ADAMTSL1: variants seen among roughly 807,000 people sequenced by gnomAD.
The protein encoded by ADAMTSL1 is ADAMTS like 1, also known as ADAMTS-like protein 1.
ADAMTSL1 carries 126 observed loss-of-function variants against 201.8 expected under a neutral mutation model. That is an observed-to-expected ratio of 0.62 (90% CI 0.54 to 0.72). The LOEUF (loss-of-function observed/expected upper bound fraction) is 0.72, where lower values mean the gene tolerates loss of function less well. Among genes scored for constraint, ADAMTSL1 ranks in the 30% least tolerant of loss-of-function variants. ADAMTSL1 has a pLI of 0.00. For missense variants in ADAMTSL1, 2,679 were observed against 2,277.8 expected, an observed-to-expected ratio of 1.18 and a Z score of -3.59; for synonymous variants, 1,121 against 903.4, an observed-to-expected ratio of 1.24 and a Z score of -4.32.
chr9:18,356,527 TA>T (rs1246388028), intron 2 of ADAMTSL1, among the ~76,000 whole-genome samples: 29,958 of 79,422 alleles, frequency 0.38, 5,506 homozygotes, highest in Admixed American at 0.47. Context: ...ACCCTGTCTT[TA>T]AAAAAAAAAA....
intron 2 of ADAMTSL1, among the ~76,000 whole-genome samples, chr9:18,406,881 G>T (rs1283822625): frequency 6.6e-6 from 1 of 152,084 alleles, no homozygotes; most frequent in Non-Finnish European, 1.5e-5. Flanking sequence ...TTCCTCATTT[G>T]TAAAACAGGG....
intron 2 of ADAMTSL1, among the ~76,000 whole-genome samples, chr9:18,301,652 A>G (rs1833715353): frequency 6.6e-6 from 1 of 152,198 alleles, no homozygotes; most frequent in African/African-American, 2.4e-5. Context: ...TTCGGGCTCC[A>G]GCTGACCTCT....
At chr9:18,581,525 A>T (rs562350139) in intron 4 of ADAMTSL1, among the ~76,000 whole-genome samples, 1 of 152,244 alleles carries the variant, frequency 6.6e-6, no homozygotes, top group South Asian at 2.1e-4. Context: ...GTCAACTGTA[A>T]CTCTAAAATA....
chr9:18,792,508 G>T (rs1822124783), intron 19 of ADAMTSL1, among the ~76,000 whole-genome samples: 1 of 152,338 alleles, frequency 6.6e-6, no homozygotes. Context: ...CAGGGAGCCA[G>T]CTACCCTAAT....
intron 15 of ADAMTSL1, among the ~76,000 whole-genome samples, chr9:18,734,682 G>T (rs1305960744): frequency 6.6e-6 from 1 of 152,208 alleles, no homozygotes; most frequent in East Asian, 1.9e-4. Flanking sequence ...ACCTAATCCA[G>T]GTTAGAGAAG....
chr9:18,717,987 A>T, intron 14 of ADAMTSL1: 1 of 1,588,450 alleles, frequency 6.3e-7, no homozygotes, highest in Non-Finnish European at 8.6e-7. Context: ...AGCAGCTGAC[A>T]TGATGACTTT....
chr9:18,421,422 C>G (rs995724079), intron 2 of ADAMTSL1, among the ~76,000 whole-genome samples: 1 of 152,126 alleles, frequency 6.6e-6, no homozygotes, highest in Non-Finnish European at 1.5e-5. Context: ...AGACACTTAG[C>G]CAACATCACA....
At chr9:18,585,549 G>A (rs1318412625) in intron 4 of ADAMTSL1, among the ~76,000 whole-genome samples, 1 of 152,050 alleles carries the variant, frequency 6.6e-6, no homozygotes, top group Non-Finnish European at 1.5e-5. Context: ...CTGGAAAAAG[G>A]CAAAGTACAC....
intron 1 of ADAMTSL1, among the ~76,000 whole-genome samples, chr9:18,082,519 C>G (rs1823548253): frequency 2.6e-5 from 4 of 152,168 alleles, no homozygotes; most frequent in African/African-American, 7.2e-5. Flanking sequence ...ACCATGTTGG[C>G]AGGTTAGTCA....
chr9:18,553,844 G>A (rs1474229596), intron 3 of ADAMTSL1, among the ~76,000 whole-genome samples: 3 of 151,706 alleles, frequency 2.0e-5, no homozygotes, highest in Non-Finnish European at 4.4e-5. Flanking sequence ...TTTATTTATT[G>A]TTGGTGTTCA....
At chr9:18,227,180 A>C (rs1044228481) in intron 2 of ADAMTSL1, among the ~76,000 whole-genome samples, 1 of 152,052 alleles carries the variant, frequency 6.6e-6, no homozygotes, top group Non-Finnish European at 1.5e-5. Context: ...ATTCTCCTCT[A>C]ATCCCTCATC....
chr9:18,015,185 G>A (rs145689145), intron 1 of ADAMTSL1, among the ~76,000 whole-genome samples: 315 of 152,142 alleles, frequency 2.1e-3, no homozygotes, highest in African/African-American at 7.1e-3. Flanking sequence ...TGGTACACAT[G>A]GGAATGAGTT....
intron 20 of ADAMTSL1, among the ~76,000 whole-genome samples, chr9:18,814,174 A>C (rs532642300): frequency 6.6e-6 from 1 of 152,324 alleles, no homozygotes; most frequent in African/African-American, 2.4e-5. Context: ...CATTCTGTTC[A>C]TGTGATATAT....
intron 2 of ADAMTSL1, among the ~76,000 whole-genome samples, chr9:18,276,361 G>C (rs569632622): frequency 5.3e-5 from 8 of 152,212 alleles, no homozygotes; most frequent in Admixed American, 3.3e-4. Context: ...GAAGTGCAAT[G>C]TATATATTTT....
At chr9:18,203,554 C>A (rs554524573) in intron 2 of ADAMTSL1, among the ~76,000 whole-genome samples, 1 of 151,210 alleles carries the variant, frequency 6.6e-6, no homozygotes, top group Non-Finnish European at 1.5e-5. Flanking sequence ...TCCTGAAACA[C>A]AAGGTCCTAG....
intron 1 of ADAMTSL1, among the ~76,000 whole-genome samples, chr9:18,074,174 C>T (rs1289782248): frequency 1.3e-5 from 2 of 152,138 alleles, no homozygotes; most frequent in East Asian, 3.9e-4. Flanking sequence ...CACCAGCTGG[C>T]CCAGGCTGCA....
chr9:18,399,489 G>A (rs915145840), intron 2 of ADAMTSL1, among the ~76,000 whole-genome samples: 3 of 144,148 alleles, frequency 2.1e-5, no homozygotes, highest in African/African-American at 5.2e-5. Context: ...TTACAGACGC[G>A]TGTCACCATT....
At chr9:18,068,015 CTG>C (rs1439021974) in intron 1 of ADAMTSL1, among the ~76,000 whole-genome samples, 2 of 152,024 alleles carry the variant, frequency 1.3e-5, no homozygotes, top group Admixed American at 1.3e-4. Flanking sequence ...GAAAGGGAGA[CTG>C]TGGAAGTTAG....
intron 13 of ADAMTSL1, among the ~76,000 whole-genome samples, chr9:18,698,341 CAT>C (rs1831691514): frequency 6.6e-6 from 1 of 151,972 alleles, no homozygotes; most frequent in African/African-American, 2.4e-5. Flanking sequence ...AGTGCAGTGG[CAT>C]GATGATCTCG....
Sources: allele counts gnomAD v4.1 joint callset (sites outside exome capture counted in the v4.1 genomes callset), GRCh38; gene constraint gnomAD v4.1.1; transcripts MANE v1.5; gene names NCBI Gene and HGNC (gene_info 2026-07-23, HGNC 2026-07-21).